The following ZNF511 variants were observed in gnomAD, a reference collection of about 807,000 sequenced individuals.
ZNF511 encodes zinc finger protein 511.
In ZNF511, 26 loss-of-function variants were observed where a neutral mutation model predicts 24.8. The observed-to-expected ratio is 1.05, with a 90% CI of 0.77 to 1.46. The LOEUF (loss-of-function observed/expected upper bound fraction) is 1.46, where lower values mean the gene tolerates loss of function less well. ZNF511 is among the 40% of genes most tolerant of loss of function. The pLI, the probability that ZNF511 is intolerant of heterozygous loss-of-function variation, is 0.00. For missense variants in ZNF511, 358 were observed against 345.0 expected, an observed-to-expected ratio of 1.04 and a Z score of -0.30; for synonymous variants, 144 against 139.6, an observed-to-expected ratio of 1.03 and a Z score of -0.22.
At position 133,310,448 on chromosome 10, in the gene ZNF511, G is replaced by A. The variant is rs1409644890; in HGVS notation, c.554+160G>A. The A allele has an allele frequency of 3.2e-6, 3 of 948,982 alleles. No homozygotes were observed. In the African/African-American group the frequency reaches 5.0e-5, roughly 16 times the overall value. The allele number at this position is 948,982 out of a possible 1,614,324, so 58.8% of individuals were successfully genotyped here. ...TGAAGCCCTGGCAACACAGCTACAG[G>A]TGGTTGTGCCAGCGGCCACCCTGCC... On this transcript the variant is annotated intron_variant, in intron 4 of 5. Coordinates refer to ENST00000361518, the MANE Select transcript of ZNF511 (RefSeq NM_145806.4).
chr10:133,311,306 C>T (rs1191155065), intron 4 of ZNF511, among the ~76,000 whole-genome samples: 1 of 152,156 alleles, frequency 6.6e-6, no homozygotes, highest in African/African-American at 2.4e-5. Context: ...TAATTGTCTC[C>T]TTTCCGAGGG....
In ZNF511 at chr10:133,308,919, G is replaced by C; in HGVS notation, c.-25G>C. On this transcript the variant is annotated 5_prime_UTR_variant, in exon 1 of 6. Coordinates refer to ENST00000361518, the MANE Select transcript of ZNF511 (RefSeq NM_145806.4). ...TCGGCTCGCGGACGGTGGCCGACAG[G>C]CTGCGCCCGCCCGCGCCCGGGGTGA... 8.2e-7 allele frequency: 1 copy of C among 1,213,132 alleles called. No individual in the cohort carries two copies. 75.1% of individuals were successfully genotyped at this position (1,213,132 alleles called of 1,614,324 possible). A position where few individuals can be genotyped will look rare whatever the true frequency, so the allele number is the denominator to read the frequency against.
At position 133,309,100 on chromosome 10, in the gene ZNF511, C is replaced by G; in HGVS notation, c.153+4C>G. The G allele has an allele frequency of 7.6e-7, 1 of 1,319,432 alleles. No homozygotes were observed. Among genetic ancestry groups the G allele is most frequent in the Non-Finnish European group, 9.7e-7 (1 of 1,029,558 alleles). 81.7% of individuals were successfully genotyped at this position (1,319,432 alleles called of 1,614,324 possible). On this transcript the variant is annotated splice_donor_region_variant and intron_variant, in intron 1 of 5. Coordinates refer to ENST00000361518, the MANE Select transcript of ZNF511 (RefSeq NM_145806.4). ...GCGGGAGCACCAGTTCTTCGAGGTG[C>G]GTGAGCAAAAGAGGGAAAAAGTAGT...
At chr10:133,309,750 G>A in intron 2 of ZNF511, 26 bp from the exon 3 acceptor site, 2 of 1,611,530 alleles carry the variant, frequency 1.2e-6, no homozygotes, top group Non-Finnish European at 1.7e-6. Context: ...CGGAGGAAGG[G>A]CTCCTGAAGC....
At chr10:133,312,465 G>GC in intron 5 of ZNF511, 2 of 1,237,014 alleles carry the variant, frequency 1.6e-6, no homozygotes, top group Non-Finnish European at 2.0e-6. Flanking sequence ...CTGTGAATGA[G>GC]CCCCGGGGGG....
intron 3 of ZNF511, 85 bp downstream of exon 3, chr10:133,310,062 C>T: frequency 6.2e-7 from 1 of 1,609,164 alleles, no homozygotes; most frequent in South Asian, 1.1e-5. Flanking sequence ...GGTGCTCGGG[C>T]AAGGCCGGGG....
Position 133,312,853 on chromosome 10 carries a change from C to T in ZNF511, c.746C>T (p.Thr249Ile). ...GGATTTAAAAGCAACAAGAAGAAAA[C>T]CAAACAATGCTGATAGACTCAGAAA... is the stretch of plus-strand genomic sequence containing the variant. The part of the protein sequence containing the change: ...ARGFKSNKKK[T>I]KQC Residue 249 changes from threonine (T) to isoleucine (I), a missense_variant, in exon 6 of 6, where the codon ACC becomes ATC. Physicochemically the swap from Thr to Ile is moderately conservative, Grantham distance 89. Coordinates refer to ENST00000361518, the MANE Select transcript of ZNF511 (RefSeq NM_145806.4). The T allele has an allele frequency of 2.5e-6, 4 of 1,614,176 alleles. No individual in the cohort carries two copies. Among genetic ancestry groups the T allele is most frequent in the Non-Finnish European group, 3.4e-6 (4 of 1,180,040 alleles).
intron 4 of ZNF511, 32 bp downstream of exon 4, chr10:133,310,320 C>T: frequency 6.2e-7 from 1 of 1,611,778 alleles, no homozygotes; most frequent in South Asian, 1.1e-5. Context: ...CACGTGTCTG[C>T]TTTTGATTTT....
At position 133,309,611 on chromosome 10, in the gene ZNF511, TCCA is replaced by T. The variant is rs1004542835; in HGVS notation, c.227+154_227+156del. 6.3e-6 allele frequency: 8 copies of T among 1,268,650 alleles called. No individual in the cohort carries two copies. In the African/African-American group the frequency reaches 1.2e-4, roughly 19 times the overall value. 78.6% of individuals were successfully genotyped at this position (1,268,650 alleles called of 1,614,324 possible). A position where few individuals can be genotyped will look rare whatever the true frequency, so the allele number is the denominator to read the frequency against. On this transcript the variant is annotated intron_variant, in intron 2 of 5. Coordinates refer to ENST00000361518, the MANE Select transcript of ZNF511 (RefSeq NM_145806.4). ...GTCCAGCTTTGGCGTGGCCGACTCTTCCACCACCTAGCCTGTTTGTGAAACTTA... is the reference window on the plus strand; with the variant it reads ...GTCCAGCTTTGGCGTGGCCGACTCTTCCACCTAGCCTGTTTGTGAAACTTA...
chr10:133,312,652 G>A (rs1235194718), intron 5 of ZNF511, 136 bp from the exon 6 acceptor site: 10 of 1,537,812 alleles, frequency 6.5e-6, no homozygotes, highest in East Asian at 2.3e-5. Context: ...GCTGCCCCAG[G>A]GCCCAGGAGG....
At position 133,309,838 on chromosome 10, in the gene ZNF511, A is replaced by G; in HGVS notation, c.290A>G (p.Tyr97Cys). ...CAGGTGTTCGATGCCCTGGACGACT[A>G]CGAGCACCACTACCACACGCTGCAC... Reference protein sequence around the residue: ...CCQVFDALDDYEHHYHTLHGN... With the variant: ...CCQVFDALDDCEHHYHTLHGN... Residue 97 changes from tyrosine (Y) to cysteine (C), a missense_variant, in exon 3 of 6, where the codon TAC becomes TGC. Coordinates refer to ENST00000361518, the MANE Select transcript of ZNF511 (RefSeq NM_145806.4). 6.2e-7 allele frequency: 1 copy of G among 1,613,712 alleles called. No homozygotes were observed. Among genetic ancestry groups the G allele is most frequent in the Non-Finnish European group, 8.5e-7 (1 of 1,180,008 alleles).
In ZNF511 at chr10:133,309,877, C is replaced by T; in HGVS notation, c.329C>T (p.Ser110Phe). 6.2e-7 allele frequency: 1 copy of T among 1,613,812 alleles called. No individual in the cohort carries two copies. The highest frequency in any genetic ancestry group is 8.5e-7 in the Non-Finnish European group (1 of 1,180,032). The change falls in exon 3 of 6, where the codon TCC (serine) becomes TTC (phenylalanine). Residue 110 changes from serine to phenylalanine, a missense_variant. Coordinates refer to ENST00000361518, the MANE Select transcript of ZNF511 (RefSeq NM_145806.4). ...CACACGCTGCACGGAAATGTTTGCT[C>T]CTTTTGCAAGCGGGCCTTCCCTTCC... ...HYHTLHGNVC[S>F]FCKRAFPSGH...
At position 133,309,464 on chromosome 10, in the gene ZNF511, G is replaced by A; in HGVS notation, c.227+1G>A. ...TGGCCGACGTGCCTGAGAAGCCCAG[G>A]TAAGCGAATGGGCAGTGCCTAGCCA... On this transcript the variant is annotated splice_donor_variant, in intron 2 of 5. Transcript: ENST00000361518. LOFTEE classifies it high-confidence loss of function. The A allele has an allele frequency of 6.2e-7, 1 of 1,611,860 alleles. No homozygotes were observed. Among genetic ancestry groups the A allele is most frequent in the Non-Finnish European group, 8.5e-7 (1 of 1,179,456 alleles).
intron 5 of ZNF511, chr10:133,312,436 C>A (rs1854389365): frequency 3.3e-6 from 4 of 1,201,944 alleles, no homozygotes; most frequent in Admixed American, 4.3e-5. Context: ...ACCCTCCTTA[C>A]AGATGCCTGG....
intron 5 of ZNF511, chr10:133,312,279 A>G (rs1349727721): frequency 4.0e-6 from 5 of 1,238,390 alleles, no homozygotes; most frequent in Admixed American, 4.2e-5. Flanking sequence ...CATGACCTGT[A>G]CTGTCTGCCT....
chr10:133,313,042 C>A lies in ZNF511; in HGVS notation c.*176C>A. The A allele has an allele frequency of 6.9e-7, 1 of 1,439,154 alleles. No homozygotes were observed. Among genetic ancestry groups the A allele is most frequent in the Non-Finnish European group, 9.1e-7 (1 of 1,100,310 alleles). 89.1% of individuals were successfully genotyped at this position (1,439,154 alleles called of 1,614,324 possible). A position where few individuals can be genotyped will look rare whatever the true frequency, so the allele number is the denominator to read the frequency against. On this transcript the variant is annotated 3_prime_UTR_variant, in exon 6 of 6. Transcript: ENST00000361518. ...GTCATCAGAAGCTGTGAGGGACCCA[C>A]AGATTTTGGAAACGACCTGGACACA...
In ZNF511 at chr10:133,312,960, GGCCAGGCCCTC is replaced by G; in HGVS notation, c.*99_*109del. 5 of 1,591,952 alleles carry G rather than the reference GGCCAGGCCCTC, an allele frequency of 3.1e-6. No homozygotes were observed. Among genetic ancestry groups the G allele is most frequent in the Non-Finnish European group, 4.3e-6 (5 of 1,169,220 alleles). On this transcript the variant is annotated 3_prime_UTR_variant, in exon 6 of 6. Coordinates refer to ENST00000361518, the MANE Select transcript of ZNF511 (RefSeq NM_145806.4). The stretch of plus-strand genomic sequence containing the variant: ...GACCTTCTGGTGTGGCCGCCCTGGG[GGCCAGGCCCTC>G]GCCATCCTCCCCATCCTTGTTCCTC...
Position 133,309,724 on chromosome 10 carries a change from G to A in ZNF511, c.228-52G>A, listed in dbSNP as rs1589842503. 8 of 1,601,406 alleles carry A rather than the reference G, an allele frequency of 5.0e-6. No individual in the cohort carries two copies. The East Asian group carries it at 1.8e-4, about 36-fold the overall frequency. ...AAAGGGAAACTGTGCAGAAAGTCCA[G>A]CTTGGTTCCTCGCACCGGAGGAAGG... is the stretch of plus-strand genomic sequence containing the variant. On this transcript the variant is annotated intron_variant, in intron 2 of 5. Transcript: ENST00000361518.
chr10:133,309,343 C>G, intron 1 of ZNF511, 47 bp from the exon 2 acceptor site: 7 of 1,585,646 alleles, frequency 4.4e-6, no homozygotes, highest in Non-Finnish European at 6.0e-6. Context: ...ACGCGGTGGG[C>G]GTGCCGCGAG....
Sources: allele counts gnomAD v4.1 joint callset (sites outside exome capture counted in the v4.1 genomes callset), GRCh38; gene constraint gnomAD v4.1.1; transcripts MANE v1.5; gene names NCBI Gene and HGNC (gene_info 2026-07-23, HGNC 2026-07-21).